IGF1R: variants seen among roughly 807,000 people sequenced by gnomAD.
IGF1R encodes the protein insulin like growth factor 1 receptor, also known as insulin-like growth factor 1 receptor.
IGF1R carries 44 observed loss-of-function variants against 144.6 expected under a neutral mutation model. The observed-to-expected ratio is 0.30, with a 90% confidence interval of 0.24 to 0.39. The LOEUF is 0.39. Ranked by LOEUF, IGF1R falls within the 10% of genes least tolerant of loss-of-function variation. IGF1R has a pLI of 1.00. For synonymous variants in IGF1R, 795 were observed against 722.8 expected, an observed-to-expected ratio of 1.10 and a Z score of -1.60; for missense variants, 1,355 against 1,833.7, an observed-to-expected ratio of 0.74 and a Z score of 4.77.
intron 2 of IGF1R, among the ~76,000 whole-genome samples, chr15:98,852,104 C>T (rs2011551400): frequency 6.6e-6 from 1 of 152,204 alleles, no homozygotes; most frequent in Non-Finnish European, 1.5e-5. Context: ...TGGAGACTTT[C>T]TAAAACCTAA....
rs74032114 is a variant in IGF1R, at chr15:98,935,822, G to A, written c.3297+396G>A. ...CTCGATGCGCTTGACTCACATCCTCGTATGTGTTCTCTCTCGTTATGTTGT... is the reference window on the plus strand; with the variant it reads ...CTCGATGCGCTTGACTCACATCCTCATATGTGTTCTCTCTCGTTATGTTGT... On this transcript the variant is annotated intron_variant, in intron 17 of 20. Coordinates refer to ENST00000650285, the MANE Select transcript of IGF1R (RefSeq NM_000875.5). This position sits in a 1 kb window ranked among gnomAD's most constrained non-coding sequence, Gnocchi z 4.2. Among the ~76,000 whole-genome samples, 2,285 of 152,092 alleles carry A rather than the reference G, an allele frequency of 0.015. 73 individuals are homozygous for A. The highest frequency in any genetic ancestry group is 0.052 in the African/African-American group (2,152 of 41,478).
intron 20 of IGF1R, among the ~76,000 whole-genome samples, chr15:98,949,860 T>A (rs1407848885): frequency 2.0e-5 from 3 of 151,844 alleles, no homozygotes; most frequent in Non-Finnish European, 4.4e-5. Context: ...TCAGTGGAGG[T>A]CAGAGCTGCT....
chr15:98,736,367 A>G (rs1181349835), intron 2 of IGF1R, among the ~76,000 whole-genome samples: 1 of 152,156 alleles, frequency 6.6e-6, no homozygotes, highest in Non-Finnish European at 1.5e-5. Flanking sequence ...GATAATAAAA[A>G]CCCAGTGGCT....
intron 11 of IGF1R, chr15:98,923,666 T>C (rs2015584950): frequency 1.7e-6 from 1 of 586,422 alleles, no homozygotes; most frequent in Non-Finnish European, 3.1e-6. Context: ...TTCTGAACCC[T>C]CCGCTGTGTG....
chr15:98,779,769 C>G (rs542635695), intron 2 of IGF1R, among the ~76,000 whole-genome samples: 1 of 152,202 alleles, frequency 6.6e-6, no homozygotes, highest in Non-Finnish European at 1.5e-5. Flanking sequence ...AACTCTGGAA[C>G]CACAGCCCTC....
chr15:98,941,283 C>T (rs1052679028), intron 18 of IGF1R, among the ~76,000 whole-genome samples: 1 of 152,236 alleles, frequency 6.6e-6, no homozygotes, highest in Non-Finnish European at 1.5e-5. Context: ...ATGGCAGTTC[C>T]TGTCTGTGTC....
chr15:98,957,829 C>A lies in IGF1R; in HGVS notation c.*387C>A, dbSNP rs867905412. On this transcript the variant is annotated 3_prime_UTR_variant, in exon 21 of 21. Coordinates refer to ENST00000650285, the MANE Select transcript of IGF1R (RefSeq NM_000875.5). ...TTGCCACAAGTCCAGCTGGGAAGCC[C>A]TTTTTATCAGTTTGAGGAAGTGGCT... The A allele has an allele frequency of 4.1e-5, 13 of 317,938 alleles. No homozygotes were observed. The highest frequency in any genetic ancestry group is 8.9e-4 in the Middle Eastern group (1 of 1,118). The allele number at this position is 317,938 out of a possible 1,614,324, so 19.7% of individuals were successfully genotyped here. A position where few individuals can be genotyped will look rare whatever the true frequency, so the allele number is the denominator to read the frequency against.
rs150440595 is a variant in IGF1R at position 98,914,373 on chromosome 15, A to G, written c.1828+1091A>G. 3.0e-3 allele frequency among the ~76,000 whole-genome samples: 452 copies of G among 152,294 alleles called. 3 individuals carry two copies. The highest frequency in any genetic ancestry group is 0.01 in the African/African-American group (430 of 41,556). On this transcript the variant is annotated intron_variant, in intron 8 of 20. Transcript: ENST00000650285. Reference sequence around the variant, plus strand: ...TTTTAAATACCCATAAGCGAGCACAAAATCAGTTTAAATGGCAGAGAGGAG... The same window carrying G: ...TTTTAAATACCCATAAGCGAGCACAGAATCAGTTTAAATGGCAGAGAGGAG...
At chr15:98,841,902 T>G (rs750654770) in intron 2 of IGF1R, among the ~76,000 whole-genome samples, 4 of 152,244 alleles carry the variant, frequency 2.6e-5, no homozygotes, top group Admixed American at 6.5e-5. Context: ...AAGGGGCTTC[T>G]ACACTGTTGG....
rs980758924 is a variant in IGF1R at position 98,766,725 on chromosome 15, C to T, written c.640+58618C>T. 4.6e-5 allele frequency among the ~76,000 whole-genome samples: 7 copies of T among 152,100 alleles called. No homozygotes were observed. The South Asian group carries it at 8.3e-4, about 18-fold the overall frequency. On this transcript the variant is annotated intron_variant, in intron 2 of 20. Coordinates refer to ENST00000650285, the MANE Select transcript of IGF1R (RefSeq NM_000875.5). Reference sequence around the variant, plus strand: ...GATGCGGTAGTTGTGAGTGGTGGGACGCAAGCGTGTTGATTTATTCTTGGA... The same window carrying T: ...GATGCGGTAGTTGTGAGTGGTGGGATGCAAGCGTGTTGATTTATTCTTGGA...
At chr15:98,655,255 T>C (rs978034360) in intron 1 of IGF1R, among the ~76,000 whole-genome samples, 3 of 152,228 alleles carry the variant, frequency 2.0e-5, no homozygotes, top group African/African-American at 7.2e-5. Context: ...TGTTTTCTTT[T>C]GTTAAATTGC....
In IGF1R at chr15:98,755,410, G is replaced by A. The variant is rs781111020; in HGVS notation, c.640+47303G>A. Among the ~76,000 whole-genome samples, 119 of 151,964 alleles carry A rather than the reference G, an allele frequency of 7.8e-4. 1 individual carries two copies. Among genetic ancestry groups the A allele is most frequent in the Admixed American group, 3.1e-3 (47 of 15,280 alleles). ...ACAGGATTACAGTAAATTGACTCGT[G>A]TATGTGTATACATCCATCTTTGCTG... On this transcript the variant is annotated intron_variant, in intron 2 of 20. Transcript: ENST00000650285.
chr15:98,926,288 A>G (rs1281242966), intron 13 of IGF1R, among the ~76,000 whole-genome samples: 1 of 152,210 alleles, frequency 6.6e-6, no homozygotes, highest in African/African-American at 2.4e-5. Flanking sequence ...GGAGAGTAGA[A>G]TGGAGGTTAC....
intron 2 of IGF1R, among the ~76,000 whole-genome samples, chr15:98,794,938 C>T (rs1462093334): frequency 5.3e-5 from 8 of 152,132 alleles, no homozygotes; most frequent in African/African-American, 1.9e-4. Flanking sequence ...TCCTTGACAC[C>T]TCCCCAACCC....
intron 2 of IGF1R, among the ~76,000 whole-genome samples, chr15:98,863,415 A>G (rs1221835355): frequency 6.6e-6 from 1 of 152,214 alleles, no homozygotes; most frequent in East Asian, 1.9e-4. Context: ...TATCTAAACA[A>G]GCATTCTGTT....
chr15:98,930,625 A>G (rs1186718303), intron 15 of IGF1R, among the ~76,000 whole-genome samples: 1 of 151,930 alleles, frequency 6.6e-6, no homozygotes, highest in Non-Finnish European at 1.5e-5. Flanking sequence ...CAGCTTTTTA[A>G]TTGTTAACAT....
intron 2 of IGF1R, among the ~76,000 whole-genome samples, chr15:98,886,429 TTTA>T (rs1262511773): frequency 2.0e-5 from 3 of 152,192 alleles, no homozygotes; most frequent in Non-Finnish European, 4.4e-5. Flanking sequence ...GGCCTTTGTT[TTTA>T]TTGTTGGTCA....
At chr15:98,666,990 G>A (rs1221512507) in intron 1 of IGF1R, among the ~76,000 whole-genome samples, 1 of 152,106 alleles carries the variant, frequency 6.6e-6, no homozygotes, top group African/African-American at 2.4e-5. Flanking sequence ...CAAATTCAAG[G>A]AGACCAGTCC....
chr15:98,886,624 C>T (rs2013655536), intron 2 of IGF1R, among the ~76,000 whole-genome samples: 1 of 152,168 alleles, frequency 6.6e-6, no homozygotes, highest in Admixed American at 6.5e-5. Context: ...TCCTTTCCCC[C>T]ATAGCGCCGT....
Sources: gnomAD v4.1 joint callset for allele counts (sites outside exome capture counted in the v4.1 genomes callset) on GRCh38, gnomAD v4.1.1 for gene constraint, Gnocchi (gnomAD v3.1) non-coding constraint, MANE v1.5 for transcripts, NCBI Gene and HGNC (gene_info 2026-07-23, HGNC 2026-07-21) for gene names.